Variants in WDFY4 observed in about 807,000 individuals in gnomAD.
WDFY4 encodes the protein WDFY family member 4, also known as WD repeat- and FYVE domain-containing protein 4.
In WDFY4, 169 loss-of-function variants were observed where a neutral mutation model predicts 351.9. That is an observed-to-expected ratio of 0.48 (90% CI 0.42 to 0.55). WDFY4 has a LOEUF of 0.55. Ranked by LOEUF, WDFY4 falls within the 20% of genes least tolerant of loss-of-function variation. WDFY4 has a pLI of 0.00. For missense variants in WDFY4, 3,803 were observed against 3,935.6 expected (o/e 0.97, Z 0.90); for synonymous variants, 1,622 against 1,574.6 (o/e 1.03, Z -0.71).
chr10:48,812,002 G>C (rs1447229048), intron 30 of WDFY4, among the ~76,000 whole-genome samples: 1 of 152,042 alleles, frequency 6.6e-6, no homozygotes, highest in Admixed American at 6.5e-5. Context: ...GGAATGACAT[G>C]ATGCTGGGGT....
chr10:48,953,076 G>A (rs946955255), intron 51 of WDFY4, among the ~76,000 whole-genome samples: 2 of 152,066 alleles, frequency 1.3e-5, no homozygotes, highest in African/African-American at 4.8e-5. Flanking sequence ...GCCACTGGAA[G>A]ATCCCGCCTC....
chr10:48,723,377 G>A, intron 4 of WDFY4, 56 bp from the exon 5 acceptor site: 1 of 1,536,594 alleles, frequency 6.5e-7, no homozygotes, highest in Non-Finnish European at 8.8e-7. Context: ...CTGGGTCTGG[G>A]CTGACCTGCT....
chr10:48,805,961 T>G (rs755989947), intron 26 of WDFY4, 43 bp from the exon 27 acceptor site: 2 of 1,538,362 alleles, frequency 1.3e-6, no homozygotes, highest in Non-Finnish European at 1.8e-6. Context: ...CGGACTCAGT[T>G]GAGCCCGCCT....
intron 1 of WDFY4, among the ~76,000 whole-genome samples, chr10:48,695,221 G>C (rs748911442): frequency 6.6e-6 from 1 of 152,204 alleles, no homozygotes; most frequent in African/African-American, 2.4e-5. Context: ...TTTTCTCTGG[G>C]GCAACAGTGC....
At chr10:48,850,114 G>A (rs1438619228) in intron 39 of WDFY4, among the ~76,000 whole-genome samples, 2 of 152,184 alleles carry the variant, frequency 1.3e-5, no homozygotes, top group Non-Finnish European at 2.9e-5. Flanking sequence ...CACTGCTGAT[G>A]TTAACCCTTA....
At chr10:48,880,661 G>A (rs1372451548) in intron 43 of WDFY4, among the ~76,000 whole-genome samples, 5 of 152,214 alleles carry the variant, frequency 3.3e-5, no homozygotes, top group Non-Finnish European at 5.9e-5. Flanking sequence ...GACCCTGTGT[G>A]AGGTTCGGCT....
At chr10:48,896,072 G>A (rs1265449769) in intron 44 of WDFY4, among the ~76,000 whole-genome samples, 1 of 152,214 alleles carries the variant, frequency 6.6e-6, no homozygotes, top group East Asian at 1.9e-4. Flanking sequence ...ATGAGCTCTG[G>A]CTTTCAGGAA....
At chr10:48,977,683 G>A (rs535419619) in intron 59 of WDFY4, among the ~76,000 whole-genome samples, 6 of 152,384 alleles carry the variant, frequency 3.9e-5, no homozygotes, top group East Asian at 1.9e-4. Flanking sequence ...CCCCCAAAGC[G>A]TAAGTGAGGG....
intron 1 of WDFY4, among the ~76,000 whole-genome samples, chr10:48,695,901 TC>T (rs1429510512): frequency 6.6e-6 from 1 of 152,074 alleles, no homozygotes; most frequent in Non-Finnish European, 1.5e-5. Flanking sequence ...CACTGTGAGT[TC>T]CTGTATTCCG....
At chr10:48,710,886 C>G (rs749338477) in intron 2 of WDFY4, among the ~76,000 whole-genome samples, 1 of 152,230 alleles carries the variant, frequency 6.6e-6, no homozygotes, top group Non-Finnish European at 1.5e-5. Context: ...GGGAGCAATA[C>G]TCCTGCCAGT....
At chr10:48,942,863 G>A (rs1209748238) in intron 48 of WDFY4, among the ~76,000 whole-genome samples, 5 of 152,196 alleles carry the variant, frequency 3.3e-5, no homozygotes, top group Admixed American at 2.6e-4. Flanking sequence ...AACAGGCAGG[G>A]ACAGGGAATA....
intron 11 of WDFY4, among the ~76,000 whole-genome samples, chr10:48,741,703 T>C (rs991726529): frequency 1.3e-5 from 2 of 152,160 alleles, no homozygotes; most frequent in African/African-American, 4.8e-5. Context: ...GGAGTGTCTA[T>C]TTTATTTTTT....
At chr10:48,799,378 A>G (rs779574018) in intron 24 of WDFY4, among the ~76,000 whole-genome samples, 1 of 147,328 alleles carries the variant, frequency 6.8e-6, no homozygotes, top group Non-Finnish European at 1.5e-5. Context: ...TGTTCTGCCT[A>G]CACCAAGTAA....
Position 48,946,865 on chromosome 10 carries a change from A to C in WDFY4, c.7873A>C (p.Met2625Leu). The change falls in exon 51 of 62, where the codon ATG becomes CTG. Residue 2625 changes from methionine to leucine, a missense_variant. Physicochemically the swap from Met to Leu is conservative, Grantham distance 15. Coordinates refer to ENST00000325239, the MANE Select transcript of WDFY4 (RefSeq NM_001394531.1). ...AGCATGTGTTTTTGTTGCAGGAGAC[A>C]TGACTGTCCAGTGCCACTACTACAC... ...FKEVEKTEGD[M>L]TVQCHYYTHY... 6.4e-7 allele frequency: 1 copy of C among 1,551,888 alleles called. No homozygotes were observed. The highest frequency in any genetic ancestry group is 1.2e-5 in the South Asian group (1 of 84,054).
At chr10:48,694,461 C>A (rs1370474831) in intron 1 of WDFY4, among the ~76,000 whole-genome samples, 1 of 152,222 alleles carries the variant, frequency 6.6e-6, no homozygotes, top group African/African-American at 2.4e-5. Flanking sequence ...TCTTCCACCA[C>A]CCCCTAGCCT....
intron 47 of WDFY4, among the ~76,000 whole-genome samples, chr10:48,920,562 A>G (rs1838979621): frequency 6.6e-6 from 1 of 152,252 alleles, no homozygotes; most frequent in South Asian, 2.1e-4. Flanking sequence ...AGCTAGTATC[A>G]TACTTCGTGA....
intron 39 of WDFY4, among the ~76,000 whole-genome samples, chr10:48,833,814 G>T (rs1295181793): frequency 5.9e-5 from 9 of 152,214 alleles, no homozygotes; most frequent in South Asian, 2.1e-4. Flanking sequence ...ACCCAGAAAG[G>T]TTCCCCAGGG....
chr10:48,730,645 A>G (rs574575697), intron 8 of WDFY4, among the ~76,000 whole-genome samples: 1 of 152,340 alleles, frequency 6.6e-6, no homozygotes, highest in East Asian at 1.9e-4. Context: ...TCCTAGCCCA[A>G]TGCTCTCCAA....
intron 1 of WDFY4, among the ~76,000 whole-genome samples, chr10:48,700,350 C>T (rs758206189): frequency 2.0e-5 from 3 of 152,232 alleles, no homozygotes; most frequent in Non-Finnish European, 2.9e-5. Context: ...AGCTCCAATG[C>T]TCTTGCCCAG....
Sources: allele counts gnomAD v4.1 joint callset (sites outside exome capture counted in the v4.1 genomes callset), GRCh38; gene constraint gnomAD v4.1.1; transcripts MANE v1.5; gene names NCBI Gene and HGNC (gene_info 2026-07-23, HGNC 2026-07-21).